EDEM3: variants seen among roughly 807,000 people sequenced by gnomAD.
The protein encoded by EDEM3 is ER degradation enhancing alpha-mannosidase like protein 3, also known as ER degradation-enhancing alpha-mannosidase-like protein 3.
Under a neutral mutation model 110.2 loss-of-function variants are expected in EDEM3, and 60 were observed. The observed-to-expected ratio is 0.54, with a 90% CI of 0.44 to 0.67. The LOEUF is 0.67. EDEM3 is among the 30% of genes least tolerant of loss of function. The pLI is 0.00. For synonymous variants in EDEM3, 352 were observed against 382.9 expected (o/e 0.92, Z 0.94); for missense variants, 996 against 1,121.0 (o/e 0.89, Z 1.59).
chr1:184,754,623 G>A lies in EDEM3; in HGVS notation c.24C>T (p.Gly8=), dbSNP rs765858351. The A allele has an allele frequency of 1.3e-6, 2 of 1,593,342 alleles. No individual in the cohort carries two copies. The highest frequency in any genetic ancestry group is 8.5e-7 in the Non-Finnish European group (1 of 1,170,356). ...CTCGCTGGGGAACCGGGGACCCACA[G>A]CCCCGGCCGCCGGCTTCGCTCATGG... is the stretch of plus-strand genomic sequence containing the variant. The part of the protein sequence containing the change: MSEAGGR[G]CGSPVPQRAR... Residue 8 remains glycine, a synonymous_variant, in exon 1 of 20, where the codon GGC becomes GGT. Coordinates refer to ENST00000318130, the MANE Select transcript of EDEM3 (RefSeq NM_025191.4).
rs1303849358 is a variant in EDEM3 at position 184,693,940 on chromosome 1, G to A, written c.*123C>T. On this transcript the variant is annotated 3_prime_UTR_variant, in exon 20 of 20. Transcript: ENST00000318130. ...CTACGATAACTACGCCAGTCAGAAC[G>A]TGGTTGTTCATCACCATACTTAAAG... The A allele has an allele frequency of 1.6e-5, 15 of 955,254 alleles. No individual in the cohort carries two copies. The highest frequency in any genetic ancestry group is 5.2e-5 in the South Asian group (3 of 57,634). The allele number at this position is 955,254 out of a possible 1,614,324, so 59.2% of individuals were successfully genotyped here.
chr1:184,731,393 T>A (rs372688966), intron 6 of EDEM3, among the ~76,000 whole-genome samples: 2 of 152,260 alleles, frequency 1.3e-5, no homozygotes, highest in Non-Finnish European at 2.9e-5. Context: ...TCATTCCTAT[T>A]TACTTTCACC....
At chr1:184,718,099 A>G (rs1477924671) in intron 11 of EDEM3, among the ~76,000 whole-genome samples, 1 of 152,064 alleles carries the variant, frequency 6.6e-6, no homozygotes, top group African/African-American at 2.4e-5. Context: ...TAATTAACAT[A>G]TGCATTATCT....
intron 2 of EDEM3, among the ~76,000 whole-genome samples, chr1:184,739,231 AATT>A (rs888710292): frequency 8.0e-5 from 12 of 149,606 alleles, no homozygotes; most frequent in African/African-American, 2.9e-4. Flanking sequence ...TTATCATTAA[AATT>A]ATTTTAATTT....
chr1:184,727,807 T>C (rs189548857), intron 6 of EDEM3, among the ~76,000 whole-genome samples: 2 of 152,306 alleles, frequency 1.3e-5, no homozygotes, highest in Non-Finnish European at 2.9e-5. Context: ...TTTGTACTTT[T>C]GTAGGATTAG....
At chr1:184,728,578 C>A (rs1651319273) in intron 6 of EDEM3, among the ~76,000 whole-genome samples, 1 of 151,684 alleles carries the variant, frequency 6.6e-6, no homozygotes, top group South Asian at 2.1e-4. Flanking sequence ...TTGTATCCTT[C>A]CTGAAGATAA....
intron 6 of EDEM3, among the ~76,000 whole-genome samples, chr1:184,732,137 C>T (rs1244114415): frequency 2.6e-5 from 4 of 151,996 alleles, no homozygotes; most frequent in Non-Finnish European, 5.9e-5. Flanking sequence ...GATCGCGCCA[C>T]TGCACTTCAG....
intron 6 of EDEM3, among the ~76,000 whole-genome samples, chr1:184,728,087 A>G (rs1052503940): frequency 2.6e-5 from 4 of 152,228 alleles, no homozygotes; most frequent in African/African-American, 9.6e-5. Flanking sequence ...CAACTAATCA[A>G]TATTTATTGC....
chr1:184,754,492 A>G lies in EDEM3; in HGVS notation c.155T>C (p.Leu52Pro). 1 of 1,611,168 alleles carries G rather than the reference A, an allele frequency of 6.2e-7. No individual in the cohort carries two copies. The highest frequency in any genetic ancestry group is 8.5e-7 in the Non-Finnish European group (1 of 1,179,312). Residue 52 changes from leucine to proline, a missense_variant, in exon 1 of 20, where the codon CTT becomes CCT. Around this residue, in one of 5 missense-constraint regions of EDEM3, gnomAD observed 200 missense variants for 183.8 expected, o/e 1.09. Coordinates refer to ENST00000318130, the MANE Select transcript of EDEM3 (RefSeq NM_025191.4). Reference sequence around the variant, plus strand: ...CCCAGGCTGCCAGCACCCTTACCCAAGCTTCTGTTTCTCCTCCCTACTCAT... The same window carrying G: ...CCCAGGCTGCCAGCACCCTTACCCAGGCTTCTGTTTCTCCTCCCTACTCAT... Reference protein sequence around the residue: ...EPMSREEKQKLGNQVLEMFDH... With the variant: ...EPMSREEKQKPGNQVLEMFDH...
intron 13 of EDEM3, among the ~76,000 whole-genome samples, chr1:184,713,423 T>C (rs899766530): frequency 1.3e-5 from 2 of 152,214 alleles, no homozygotes; most frequent in South Asian, 2.1e-4. Flanking sequence ...TTTAATGTTA[T>C]AATGTTTTAA....
At position 184,710,471 on chromosome 1, in the gene EDEM3, C is replaced by T; in HGVS notation, c.1768G>A (p.Glu590Lys). 2 of 1,613,974 alleles carry T rather than the reference C, an allele frequency of 1.2e-6. No individual in the cohort carries two copies. The highest frequency in any genetic ancestry group is 1.7e-6 in the Non-Finnish European group (2 of 1,179,908). The change falls in exon 16 of 20, where the codon GAA (glutamate) becomes AAA (lysine). Residue 590 changes from glutamate (E) to lysine (K), a missense_variant. Around this residue, in one of 5 missense-constraint regions of EDEM3, gnomAD observed 3 missense variants for 16.4 expected, o/e 0.18. Transcript: ENST00000318130. Reference sequence around the variant, plus strand: ...CTCACCCCCATCTTCTTCAGGATTTCTAAATGCTCAGGGTTAGTGGCCATG... The same window carrying T: ...CTCACCCCCATCTTCTTCAGGATTTTTAAATGCTCAGGGTTAGTGGCCATG... ...DFMATNPEHL[E>K]ILKKMGVSLI...
intron 9 of EDEM3, 163 bp downstream of exon 9, chr1:184,721,126 C>A (rs1650876359): frequency 1.8e-6 from 1 of 563,016 alleles, no homozygotes; most frequent in Non-Finnish European, 3.1e-6. Flanking sequence ...GAATGTATAT[C>A]ACTTTTTACG....
chr1:184,739,251 A>C (rs1651999842), intron 2 of EDEM3, among the ~76,000 whole-genome samples: 1 of 149,090 alleles, frequency 6.7e-6, no homozygotes, highest in South Asian at 2.1e-4. Context: ...ATTTTAATAA[A>C]ATAATTAAAT....
chr1:184,715,387 T>C (rs1650489159), intron 13 of EDEM3, among the ~76,000 whole-genome samples: 1 of 152,250 alleles, frequency 6.6e-6, no homozygotes, highest in African/African-American at 2.4e-5. Flanking sequence ...TTAGAACATA[T>C]CACATGGTTG....
chr1:184,715,601 TACTA>T (rs1171607823), intron 13 of EDEM3, among the ~76,000 whole-genome samples: 4 of 152,292 alleles, frequency 2.6e-5, no homozygotes, highest in African/African-American at 7.2e-5. Context: ...GACTTAATCT[TACTA>T]ACTGTGTGAC....
chr1:184,702,110 T>C (rs1388964358), intron 19 of EDEM3, among the ~76,000 whole-genome samples: 2 of 152,186 alleles, frequency 1.3e-5, no homozygotes, highest in Admixed American at 1.3e-4. Flanking sequence ...TCACATTCCC[T>C]CATTTCTCCT....
chr1:184,704,207 A>G (rs965666910), intron 18 of EDEM3, among the ~76,000 whole-genome samples: 5 of 152,150 alleles, frequency 3.3e-5, no homozygotes, highest in Non-Finnish European at 2.9e-5. Context: ...CAGCCACATG[A>G]TTTCTAAGAT....
rs534211654 is a variant in EDEM3 at position 184,736,679 on chromosome 1, T to C, written c.345+346A>G. Among the ~76,000 whole-genome samples the C allele has an allele frequency of 1.1e-4, 16 of 152,266 alleles. No individual in the cohort carries two copies. The East Asian group carries it at 2.7e-3, about 26-fold the overall frequency. ...AGATTCTAATTTAACAATTTTGATA[T>C]CATTTTGGCATGTCATTATGGAACA... On this transcript the variant is annotated intron_variant, in intron 4 of 19. Coordinates refer to ENST00000318130, the MANE Select transcript of EDEM3 (RefSeq NM_025191.4).
chr1:184,726,350 T>G lies in EDEM3; in HGVS notation c.652A>C (p.Thr218Pro). The part of the protein sequence containing the change: ...KFGIRKPEAR[T>P]GTETDTCTAC... The stretch of plus-strand genomic sequence containing the variant: ...GTACAGGTATCTGTCTCAGTTCCTG[T>G]CCGAGCTTCTGGTTTTCTGATGCCA... Residue 218 changes from threonine (T) to proline (P), a missense_variant, in exon 7 of 20, where the codon ACA (threonine) becomes CCA (proline). Around this residue, in one of 5 missense-constraint regions of EDEM3, gnomAD observed 310 missense variants for 394.6 expected, o/e 0.79. Transcript: ENST00000318130. 1 of 1,613,756 alleles carries G rather than the reference T, an allele frequency of 6.2e-7. No homozygotes were observed. The highest frequency in any genetic ancestry group is 8.5e-7 in the Non-Finnish European group (1 of 1,179,802).
Sources: gnomAD v4.1 joint callset for allele counts (sites outside exome capture counted in the v4.1 genomes callset) on GRCh38, gnomAD v4.1.1 for gene constraint, gnomAD v4.1.1 regional missense constraint, MANE v1.5 for transcripts, NCBI Gene and HGNC (gene_info 2026-07-23, HGNC 2026-07-21) for gene names.